The following SLCO1B1 variants were observed in gnomAD, a reference collection of about 807,000 sequenced individuals.
SLCO1B1 encodes OATP-2.
Under a neutral mutation model 70.1 loss-of-function variants are expected in SLCO1B1, and 81 were observed. That is an observed-to-expected ratio of 1.16 (90% CI 0.97 to 1.39). SLCO1B1 has a LOEUF of 1.39. Among genes scored for constraint, SLCO1B1 ranks in the 40% most tolerant of loss-of-function variants. SLCO1B1 has a pLI of 0.00. For synonymous variants in SLCO1B1, 283 were observed against 271.5 expected (o/e 1.04, Z -0.42); for missense variants, 895 against 799.6 (o/e 1.12, Z -1.44).
chr12:21,222,980 C>A (rs1941444897), intron 13 of SLCO1B1, among the ~76,000 whole-genome samples: 1 of 152,164 alleles, frequency 6.6e-6, no homozygotes, highest in Non-Finnish European at 1.5e-5. Flanking sequence ...TGTTGGTTTT[C>A]TTCCCTCCGT....
intron 2 of SLCO1B1, among the ~76,000 whole-genome samples, chr12:21,154,841 C>T (rs758901777): frequency 1.2e-4 from 19 of 152,038 alleles, no homozygotes; most frequent in Non-Finnish European, 2.4e-4. Context: ...GCATATATCT[C>T]TTTATAGCTG....
At chr12:21,197,701 AAGG>A (rs1941110326) in intron 8 of SLCO1B1, among the ~76,000 whole-genome samples, 1 of 152,084 alleles carries the variant, frequency 6.6e-6, no homozygotes, top group Admixed American at 6.6e-5. Context: ...GAGATGGATT[AAGG>A]AGAAGGAAGT....
At position 21,180,479 on chromosome 12, in the gene SLCO1B1, A is replaced by G. The variant is rs1328448231; in HGVS notation, c.727+1459A>G. ...TGTGCTTACTTGCCATCTCTTTACC[A>G]CATGACAGAATGGCATGTTCTTAGC... On this transcript the variant is annotated intron_variant, in intron 7 of 14. Transcript: ENST00000256958. Among the ~76,000 whole-genome samples, 7 of 152,128 alleles carry G rather than the reference A, an allele frequency of 4.6e-5. No homozygotes were observed. In the East Asian group the frequency reaches 1.2e-3, roughly 25 times the overall value.
intron 7 of SLCO1B1, 45 bp downstream of exon 7, chr12:21,179,065 C>G: frequency 8.4e-7 from 1 of 1,195,706 alleles, no homozygotes; most frequent in Non-Finnish European, 1.3e-6. Context: ...TCTTTCTAAG[C>G]ACACATGCGA....
intron 13 of SLCO1B1, among the ~76,000 whole-genome samples, chr12:21,223,751 A>G (rs1399150214): frequency 6.6e-6 from 1 of 152,054 alleles, no homozygotes; most frequent in Non-Finnish European, 1.5e-5. Context: ...ACAAAAAAAA[A>G]CAAAGTAAAG....
chr12:21,213,972 T>G (rs1294833108), intron 11 of SLCO1B1, among the ~76,000 whole-genome samples: 4 of 151,120 alleles, frequency 2.6e-5, no homozygotes, highest in Admixed American at 6.6e-5. Context: ...TCTTCTAAAT[T>G]TTTTTCAAAG....
chr12:21,224,948 G>A (rs1941468208), intron 14 of SLCO1B1, 109 bp downstream of exon 14: 1 of 623,710 alleles, frequency 1.6e-6, no homozygotes, highest in African/African-American at 1.9e-5. Flanking sequence ...ACCATTTAAT[G>A]AAAACTGACT....
intron 1 of SLCO1B1, among the ~76,000 whole-genome samples, chr12:21,133,875 T>A (rs1021375373): frequency 6.6e-6 from 1 of 152,190 alleles, no homozygotes; most frequent in Non-Finnish European, 1.5e-5. Flanking sequence ...TTATGTTGAA[T>A]AGGAGCAGTG....
chr12:21,205,346 C>G (rs538683439), intron 10 of SLCO1B1, among the ~76,000 whole-genome samples: 7 of 151,766 alleles, frequency 4.6e-5, no homozygotes, highest in Admixed American at 2.6e-4. Flanking sequence ...TGATTCTATT[C>G]TTGATTTTTC....
chr12:21,174,525 T>A (rs1667242082), intron 3 of SLCO1B1, 52 bp from the exon 4 acceptor site: 1 of 1,593,080 alleles, frequency 6.3e-7, no homozygotes. Flanking sequence ...TTTTCAATTC[T>A]AGACGCAAAA....
At chr12:21,166,651 A>T (rs926337632) in intron 2 of SLCO1B1, among the ~76,000 whole-genome samples, 12 of 152,188 alleles carry the variant, frequency 7.9e-5, no homozygotes, top group African/African-American at 2.9e-4. Flanking sequence ...ACTGGCAAGA[A>T]TGTGGAGCGA....
chr12:21,208,263 T>C (rs1014013289), intron 11 of SLCO1B1, among the ~76,000 whole-genome samples: 5 of 152,140 alleles, frequency 3.3e-5, no homozygotes, highest in African/African-American at 1.2e-4. Context: ...TTTTATAGTT[T>C]TAGGTTTTAC....
Position 21,235,081 on chromosome 12 carries a change from AT to A in SLCO1B1, c.1866-3880del, listed in dbSNP as rs61184106. Among the ~76,000 whole-genome samples the A allele has an allele frequency of 7.2e-3, 975 of 135,752 alleles. 8 individuals carry two copies. The highest frequency in any genetic ancestry group is 0.016 in the African/African-American group (602 of 37,114). The allele number at this position is 135,752 out of a possible 152,430, so 89.1% of individuals were successfully genotyped here. ...TGGTAAAGAGTCTACTTCAAGTCGA[AT>A]TTTTTTTTTTTTTTTTTAGCTTTTG... On this transcript the variant is annotated intron_variant, in intron 14 of 14. Coordinates refer to ENST00000256958, the MANE Select transcript of SLCO1B1 (RefSeq NM_006446.5).
chr12:21,177,690 A>G (rs1007594936), intron 5 of SLCO1B1, among the ~76,000 whole-genome samples: 1 of 152,114 alleles, frequency 6.6e-6, no homozygotes, highest in Admixed American at 6.6e-5. Flanking sequence ...ATTAATCTTA[A>G]GGAAATAACC....
intron 4 of SLCO1B1, among the ~76,000 whole-genome samples, chr12:21,175,631 T>C (rs17329885): frequency 0.11 from 16,463 of 152,078 alleles, 1,187 homozygotes; most frequent in Non-Finnish European, 0.16. Context: ...ACCCACCATA[T>C]TTGGCCCTTA....
chr12:21,163,982 G>A (rs925671828), intron 2 of SLCO1B1, among the ~76,000 whole-genome samples: 3 of 151,948 alleles, frequency 2.0e-5, no homozygotes, highest in Admixed American at 6.6e-5. Context: ...CATGATCTAA[G>A]GATACTTGGG....
At chr12:21,139,072 G>A (rs1190452641) in intron 1 of SLCO1B1, among the ~76,000 whole-genome samples, 1 of 151,916 alleles carries the variant, frequency 6.6e-6, no homozygotes, top group Non-Finnish European at 1.5e-5. Flanking sequence ...TGGAGTGGTG[G>A]GACAATAGCC....
At chr12:21,136,242 T>G (rs1262952656) in intron 1 of SLCO1B1, among the ~76,000 whole-genome samples, 1 of 152,184 alleles carries the variant, frequency 6.6e-6, no homozygotes, top group Non-Finnish European at 1.5e-5. Flanking sequence ...AACCCAACCT[T>G]TCTCTCTGGC....
intron 2 of SLCO1B1, among the ~76,000 whole-genome samples, chr12:21,160,618 C>A (rs1211612310): frequency 6.6e-6 from 1 of 151,928 alleles, no homozygotes; most frequent in Non-Finnish European, 1.5e-5. Flanking sequence ...GATTTCATGA[C>A]AAATGACACC....
Sources: allele counts gnomAD v4.1 joint callset (sites outside exome capture counted in the v4.1 genomes callset), GRCh38; gene constraint gnomAD v4.1.1; transcripts MANE v1.5; gene names NCBI Gene and HGNC (gene_info 2026-07-23, HGNC 2026-07-21).